The following CRADD variants were observed in gnomAD, a reference collection of about 807,000 sequenced individuals.
CRADD encodes death domain-containing protein CRADD.
A neutral mutation model predicts 15.5 loss-of-function variants in CRADD; 9 were observed. The observed-to-expected ratio is 0.58, with a 90% CI of 0.35 to 1.01. The LOEUF (loss-of-function observed/expected upper bound fraction) is 1.01, where lower values mean the gene tolerates loss of function less well. CRADD is among the 50% of genes least tolerant of loss of function. The probability of loss-of-function intolerance (pLI) is 0.02; values close to 1 mark genes in which losing one functional copy is unlikely to be tolerated. For missense variants in CRADD, 227 were observed against 250.3 expected (o/e 0.91, Z 0.63); for synonymous variants, 118 against 107.6 (o/e 1.10, Z -0.60).
intron 2 of CRADD, among the ~76,000 whole-genome samples, chr12:93,682,413 T>C (rs1202276239): frequency 1.3e-5 from 2 of 152,230 alleles, no homozygotes; most frequent in African/African-American, 4.8e-5. Flanking sequence ...CAGTAGTCTC[T>C]TGGGAGGCCT....
chr12:93,712,869 A>G (rs1956098223), intron 2 of CRADD, among the ~76,000 whole-genome samples: 1 of 152,082 alleles, frequency 6.6e-6, no homozygotes, highest in Non-Finnish European at 1.5e-5. Context: ...CCTTAGAGAA[A>G]AGAGGCCTGG....
chr12:93,765,813 A>G (rs1405758453), intron 2 of CRADD, among the ~76,000 whole-genome samples: 2 of 151,970 alleles, frequency 1.3e-5, no homozygotes, highest in African/African-American at 2.4e-5. Context: ...AAAAAAACTA[A>G]GGGAAAAATA....
intron 2 of CRADD, among the ~76,000 whole-genome samples, chr12:93,804,836 A>G (rs17021591): frequency 0.083 from 12,624 of 152,058 alleles, 566 homozygotes; most frequent in East Asian, 0.15. Context: ...CTCGATTCAG[A>G]CCCCATCTCA....
intron 2 of CRADD, chr12:93,859,280 T>G (rs997252233): frequency 4.4e-6 from 2 of 453,960 alleles, no homozygotes; most frequent in African/African-American, 4.0e-5. Flanking sequence ...TCAAATACAT[T>G]TGTTACTTTT....
chr12:93,838,120 G>C (rs1957995897), intron 2 of CRADD: 1 of 151,050 alleles, frequency 6.6e-6, no homozygotes, highest in African/African-American at 2.4e-5. Flanking sequence ...GACTAAACAT[G>C]ATTTCTCCAT....
intron 2 of CRADD, among the ~76,000 whole-genome samples, chr12:93,739,306 G>A (rs967535533): frequency 5.3e-5 from 8 of 149,802 alleles, no homozygotes; most frequent in Non-Finnish European, 1.0e-4. Flanking sequence ...ATACAGATAT[G>A]AGGTTGGTAC....
chr12:93,830,145 G>A (rs546907292), intron 2 of CRADD, among the ~76,000 whole-genome samples: 1 of 152,256 alleles, frequency 6.6e-6, no homozygotes, highest in South Asian at 2.1e-4. Context: ...GCATCCCAGT[G>A]CCACCACCTA....
chr12:93,722,634 C>T (rs12301335), intron 2 of CRADD, among the ~76,000 whole-genome samples: 2,333 of 152,160 alleles, frequency 0.015, 68 homozygotes, highest in African/African-American at 0.054. Flanking sequence ...CTACCAAAGA[C>T]GTTCTTCATT....
intron 2 of CRADD, among the ~76,000 whole-genome samples, chr12:93,885,974 G>C (rs1958533916): frequency 6.6e-6 from 1 of 152,046 alleles, no homozygotes; most frequent in Admixed American, 6.6e-5. Flanking sequence ...AGGAGGCAGA[G>C]GTTGTAGTGA....
chr12:93,882,494 C>T (rs1369540343), intron 2 of CRADD, among the ~76,000 whole-genome samples: 4 of 151,656 alleles, frequency 2.6e-5, no homozygotes, highest in Admixed American at 2.0e-4. Flanking sequence ...ATCCCCCCAC[C>T]CCCGTGTGTG....
intron 2 of CRADD, among the ~76,000 whole-genome samples, chr12:93,856,122 C>A (rs1358279747): frequency 1.3e-5 from 2 of 152,210 alleles, no homozygotes; most frequent in Non-Finnish European, 2.9e-5. Context: ...TTCTAATCTT[C>A]TTCACCCTCC....
At chr12:93,689,834 AT>A (rs1955525851) in intron 2 of CRADD, among the ~76,000 whole-genome samples, 1 of 152,170 alleles carries the variant, frequency 6.6e-6, no homozygotes. Context: ...GCTGTGGAGA[AT>A]TATAGATCAA....
intron 2 of CRADD, among the ~76,000 whole-genome samples, chr12:93,775,911 A>G (rs1457458956): frequency 2.0e-5 from 3 of 152,226 alleles, no homozygotes; most frequent in Admixed American, 6.5e-5. Flanking sequence ...TAAAATATAC[A>G]TTTTAAATTC....
intron 2 of CRADD, among the ~76,000 whole-genome samples, chr12:93,706,173 C>G (rs1955947693): frequency 6.6e-6 from 1 of 152,164 alleles, no homozygotes; most frequent in East Asian, 1.9e-4. Context: ...TATGTACTTT[C>G]AAGCAAATAT....
chr12:93,728,564 T>C (rs771510965), intron 2 of CRADD, among the ~76,000 whole-genome samples: 4 of 152,190 alleles, frequency 2.6e-5, no homozygotes, highest in Non-Finnish European at 4.4e-5. Flanking sequence ...AAACATTGCC[T>C]GAGACTAGTG....
chr12:93,871,412 A>G (rs1366249005), intron 2 of CRADD, among the ~76,000 whole-genome samples: 2 of 152,096 alleles, frequency 1.3e-5, no homozygotes, highest in Non-Finnish European at 2.9e-5. Flanking sequence ...GTTACAAACA[A>G]TCTGATTATT....
At chr12:93,686,913 C>T (rs1003759920) in intron 2 of CRADD, among the ~76,000 whole-genome samples, 1 of 146,162 alleles carries the variant, frequency 6.8e-6, no homozygotes. Context: ...TGTACTAATG[C>T]ATTTTTTTTT....
chr12:93,807,808 G>T (rs537282557), intron 2 of CRADD, among the ~76,000 whole-genome samples: 28 of 152,102 alleles, frequency 1.8e-4, no homozygotes, highest in Non-Finnish European at 3.7e-4. Flanking sequence ...CCATCAGTCA[G>T]CAAGTATTTA....
intron 2 of CRADD, among the ~76,000 whole-genome samples, chr12:93,822,257 G>A (rs1330745807): frequency 6.6e-6 from 1 of 152,114 alleles, no homozygotes; most frequent in Non-Finnish European, 1.5e-5. Flanking sequence ...CTGCAAAAAA[G>A]GGAAATTTGT....
Sources: gnomAD v4.1 joint callset for allele counts (sites outside exome capture counted in the v4.1 genomes callset) on GRCh38, gnomAD v4.1.1 for gene constraint, MANE v1.5 for transcripts, NCBI Gene and HGNC (gene_info 2026-07-23, HGNC 2026-07-21) for gene names.